Variants in EYS observed in about 807,000 individuals in gnomAD.
EYS encodes the protein EGF-like photoreceptor maintenance factor.
Under a neutral mutation model 282.1 loss-of-function variants are expected in EYS, and 250 were observed. The observed-to-expected ratio is 0.89, with a 90% CI of 0.80 to 0.98. EYS has a LOEUF of 0.98. EYS is among the 50% of genes least tolerant of loss of function. The pLI, the probability that EYS is intolerant of heterozygous loss-of-function variation, is 0.00. For missense variants in EYS, 4,016 were observed against 3,709.0 expected (o/e 1.08, Z -2.15); for synonymous variants, 1,355 against 1,282.9 (o/e 1.06, Z -1.20).
At chr6:65,090,411 T>C (rs1010235618) in intron 12 of EYS, among the ~76,000 whole-genome samples, 4 of 152,156 alleles carry the variant, frequency 2.6e-5, no homozygotes, top group African/African-American at 9.7e-5. Flanking sequence ...TGTGAGTCAA[T>C]TAAAACTTTT....
chr6:65,562,858 G>A (rs1769120386), intron 2 of EYS, among the ~76,000 whole-genome samples: 3 of 152,040 alleles, frequency 2.0e-5, no homozygotes, highest in Admixed American at 6.6e-5. Context: ...TTGTAAAAAT[G>A]TGATATTAAT....
At chr6:64,192,596 A>C (rs1240039381) in intron 31 of EYS, among the ~76,000 whole-genome samples, 1 of 152,152 alleles carries the variant, frequency 6.6e-6, no homozygotes, top group Non-Finnish European at 1.5e-5. Flanking sequence ...TTCCCTATTT[A>C]ATAAATGGTG....
At chr6:64,593,406 G>C (rs1186239752) in intron 24 of EYS, 97 bp from the exon 25 acceptor site, 2 of 836,432 alleles carry the variant, frequency 2.4e-6, no homozygotes, top group Non-Finnish European at 3.7e-6. Context: ...CATTTCCATA[G>C]ACATATTGGA....
At chr6:64,625,027 G>A (rs1016163670) in intron 23 of EYS, among the ~76,000 whole-genome samples, 1 of 152,074 alleles carries the variant, frequency 6.6e-6, no homozygotes, top group African/African-American at 2.4e-5. Context: ...CTACTATCAT[G>A]ACTGGCTCAA....
Position 65,638,918 on chromosome 6 carries a change from T to C in EYS, c.-333+860A>G, listed in dbSNP as rs144826792. 3.2e-3 allele frequency among the ~76,000 whole-genome samples: 480 copies of C among 152,280 alleles called. 4 individuals are homozygous for C. Among genetic ancestry groups the C allele is most frequent in the African/African-American group, 0.011 (450 of 41,538 alleles). ...CTGGAAAAGCAACACCCTAAGGAAC[T>C]CAAGACAGCAGTGTTGCCAAGATTT... On this transcript the variant is annotated intron_variant, in intron 2 of 42. Coordinates refer to ENST00000503581, the MANE Select transcript of EYS (RefSeq NM_001142800.2).
chr6:65,063,865 C>T (rs566279675), intron 12 of EYS, among the ~76,000 whole-genome samples: 228 of 151,926 alleles, frequency 1.5e-3, no homozygotes, highest in Middle Eastern at 6.8e-3. Flanking sequence ...TGTCTCTTGC[C>T]TTCCTCACTG....
At chr6:65,137,509 T>G (rs1335968375) in intron 12 of EYS, among the ~76,000 whole-genome samples, 1 of 151,964 alleles carries the variant, frequency 6.6e-6, no homozygotes, top group Non-Finnish European at 1.5e-5. Flanking sequence ...GAATGGAGAA[T>G]CAGGGAGAAG....
chr6:65,579,610 C>T (rs1764800650), intron 2 of EYS, among the ~76,000 whole-genome samples: 2 of 152,156 alleles, frequency 1.3e-5, no homozygotes, highest in African/African-American at 4.8e-5. Context: ...CTCCATGAGG[C>T]CCCACGTGGC....
chr6:65,688,909 CT>C (rs1252035468), intron 1 of EYS, among the ~76,000 whole-genome samples: 2 of 151,682 alleles, frequency 1.3e-5, no homozygotes, highest in South Asian at 4.2e-4. Context: ...AATAGGAACA[CT>C]TTTACACTGT....
At chr6:65,381,769 A>C (rs945882318) in intron 8 of EYS, among the ~76,000 whole-genome samples, 17 of 152,052 alleles carry the variant, frequency 1.1e-4, no homozygotes, top group African/African-American at 3.6e-4. Flanking sequence ...AAAATTAACA[A>C]TATAACTCAC....
At chr6:64,090,496 T>G (rs549548254) in intron 31 of EYS, among the ~76,000 whole-genome samples, 1 of 152,202 alleles carries the variant, frequency 6.6e-6, no homozygotes, top group African/African-American at 2.4e-5. Context: ...TATATACTTC[T>G]ATTGCAGCTC....
intron 4 of EYS, among the ~76,000 whole-genome samples, chr6:65,491,002 A>G (rs73743911): frequency 1.1e-4 from 17 of 152,068 alleles, no homozygotes; most frequent in Non-Finnish European, 1.5e-5. Flanking sequence ...TTTTCATGAT[A>G]GATAATATTC....
At chr6:64,755,545 C>T (rs924636455) in intron 22 of EYS, among the ~76,000 whole-genome samples, 3 of 136,332 alleles carry the variant, frequency 2.2e-5, no homozygotes, top group Non-Finnish European at 4.7e-5. Flanking sequence ...CACACACACA[C>T]GGAATACTAT....
At chr6:65,461,577 G>A (rs1368004250) in intron 5 of EYS, among the ~76,000 whole-genome samples, 1 of 151,956 alleles carries the variant, frequency 6.6e-6, no homozygotes, top group Non-Finnish European at 1.5e-5. Context: ...CCCCTCCCAC[G>A]TAATCCTAAA....
At chr6:64,315,898 C>T (rs1769939345) in intron 29 of EYS, among the ~76,000 whole-genome samples, 2 of 152,178 alleles carry the variant, frequency 1.3e-5, no homozygotes, top group Non-Finnish European at 2.9e-5. Flanking sequence ...CCCTGGGATA[C>T]AAGGCTGGTT....
intron 1 of EYS, among the ~76,000 whole-genome samples, chr6:65,670,681 A>C (rs1015408932): frequency 2.0e-5 from 3 of 152,092 alleles, no homozygotes; most frequent in African/African-American, 7.2e-5. Context: ...TATTTCAAGA[A>C]AAAAGCCCTG....
At chr6:65,439,648 T>C (rs946965758) in intron 5 of EYS, among the ~76,000 whole-genome samples, 13 of 152,246 alleles carry the variant, frequency 8.5e-5, no homozygotes, top group Admixed American at 3.9e-4. Flanking sequence ...TGGCTCTCTG[T>C]TTTTCTGTTA....
At chr6:65,566,095 T>TA (rs79190515) in intron 2 of EYS, among the ~76,000 whole-genome samples, 85,407 of 148,286 alleles carry the variant, frequency 0.58, 24,361 homozygotes, top group East Asian at 0.69. Flanking sequence ...CTGAAAGTAT[T>TA]AAAAAAAAAA....
Position 65,495,240 on chromosome 6 carries a change from G to A in EYS, c.171C>T (p.Cys57=), listed in dbSNP as rs764973718. The part of the protein sequence containing the change: ...ENICLDFYRD[C]WFLGVNTKID... ...TTTTAGTGTTTACACCCAAAAACCA[G>A]CAATCTCTGTAGAAGTCCAAGCAGA... The change falls in exon 4 of 43, where the codon TGC becomes TGT. Residue 57 remains cysteine, a synonymous_variant. Coordinates refer to ENST00000503581, the MANE Select transcript of EYS (RefSeq NM_001142800.2). The A allele has an allele frequency of 6.2e-7, 1 of 1,614,120 alleles. No homozygotes were observed. Among genetic ancestry groups the A allele is most frequent in the South Asian group, 1.1e-5 (1 of 91,086 alleles).
Sources: allele counts gnomAD v4.1 joint callset (sites outside exome capture counted in the v4.1 genomes callset), GRCh38; gene constraint gnomAD v4.1.1; transcripts MANE v1.5; gene names NCBI Gene and HGNC (gene_info 2026-07-23, HGNC 2026-07-21).